The following COG5 variants were observed in gnomAD, a reference collection of about 807,000 sequenced individuals.
COG5 encodes component of oligomeric golgi complex 5.
COG5 carries 86 observed loss-of-function variants against 110.4 expected under a neutral mutation model. The observed-to-expected ratio is 0.78, with a 90% CI of 0.65 to 0.93. COG5 has a LOEUF of 0.93. Among genes scored for constraint, COG5 ranks in the 40% least tolerant of loss-of-function variants. COG5 has a pLI of 0.00. For missense variants in COG5, 1,077 were observed against 987.0 expected (o/e 1.09, Z -1.22); for synonymous variants, 360 against 334.6 (o/e 1.08, Z -0.83).
intron 17 of COG5, among the ~76,000 whole-genome samples, chr7:107,237,029 C>T (rs572217484): frequency 6.6e-6 from 1 of 152,320 alleles, no homozygotes; most frequent in African/African-American, 2.4e-5. Flanking sequence ...CTCAATTCTC[C>T]ATCCACTCAC....
intron 6 of COG5, among the ~76,000 whole-genome samples, chr7:107,417,307 AGTT>A (rs889124063): frequency 1.3e-5 from 2 of 152,214 alleles, no homozygotes; most frequent in African/African-American, 4.8e-5. Context: ...TTTACCCATG[AGTT>A]GTTTTGCTCT....
intron 5 of COG5, among the ~76,000 whole-genome samples, chr7:107,546,073 G>A (rs1034026625): frequency 3.3e-5 from 5 of 151,792 alleles, no homozygotes; most frequent in Non-Finnish European, 5.9e-5. Context: ...GATGGATTTC[G>A]AAAAATTCAC....
At chr7:107,261,150 G>C (rs914109851) in intron 14 of COG5, among the ~76,000 whole-genome samples, 1 of 151,948 alleles carries the variant, frequency 6.6e-6, no homozygotes, top group Non-Finnish European at 1.5e-5. Context: ...GGGTATTTTT[G>C]ATCTGCCTTT....
At chr7:107,391,424 C>A (rs757965294) in intron 7 of COG5, among the ~76,000 whole-genome samples, 2 of 152,152 alleles carry the variant, frequency 1.3e-5, no homozygotes, top group Non-Finnish European at 2.9e-5. Flanking sequence ...TCAGCCTGTT[C>A]TATTGGTTGC....
intron 7 of COG5, among the ~76,000 whole-genome samples, chr7:107,403,104 G>T (rs1791557610): frequency 6.6e-6 from 1 of 152,166 alleles, no homozygotes; most frequent in Non-Finnish European, 1.5e-5. Context: ...AAATAGTGAT[G>T]AAAGAGGTTA....
At chr7:107,533,540 T>C (rs751782667) in intron 5 of COG5, among the ~76,000 whole-genome samples, 2 of 151,436 alleles carry the variant, frequency 1.3e-5, no homozygotes, top group African/African-American at 4.9e-5. Context: ...AATAGCCGAA[T>C]AGATCAAGTG....
intron 6 of COG5, among the ~76,000 whole-genome samples, chr7:107,444,116 G>A (rs1794873425): frequency 6.6e-6 from 1 of 152,192 alleles, no homozygotes; most frequent in Middle Eastern, 3.4e-3. Flanking sequence ...TTATCTCTCT[G>A]TTGTTTCTTA....
At chr7:107,408,496 A>G (rs2129064652) in intron 7 of COG5, among the ~76,000 whole-genome samples, 1 of 152,366 alleles carries the variant, frequency 6.6e-6, no homozygotes, top group East Asian at 1.9e-4. Context: ...AGCTTGCTCA[A>G]TATACATTCT....
intron 19 of COG5, among the ~76,000 whole-genome samples, chr7:107,213,995 G>T (rs1031528279): frequency 6.6e-6 from 1 of 151,866 alleles, no homozygotes; most frequent in Non-Finnish European, 1.5e-5. Context: ...GAAACTACAA[G>T]AATATAAAAA....
chr7:107,522,409 G>C (rs199904453), intron 6 of COG5, among the ~76,000 whole-genome samples: 1 of 152,048 alleles, frequency 6.6e-6, no homozygotes, highest in African/African-American at 2.4e-5. Context: ...CGGAGGTTGC[G>C]GTGAGCGGAG....
At chr7:107,264,179 G>GT (rs1238416985) in intron 14 of COG5, among the ~76,000 whole-genome samples, 4 of 152,082 alleles carry the variant, frequency 2.6e-5, no homozygotes, top group Non-Finnish European at 4.4e-5. Flanking sequence ...TTGTGGCCCT[G>GT]TTATGGTCTC....
rs1386916863 is a variant in COG5, at chr7:107,202,003, T to G, written c.*1513A>C. 6.6e-6 allele frequency: 1 copy of G among 152,648 alleles called. No homozygotes were observed. The highest frequency in any genetic ancestry group is 2.1e-4 in the South Asian group (1 of 4,826). The allele number at this position is 152,648 out of a possible 1,614,324, so 9.5% of individuals were successfully genotyped here. The stretch of plus-strand genomic sequence containing the variant: ...GGTGGCTGGTGTTGGTGTCCCAGCC[T>G]AAGAGCCACCTGCTGCAGTTACCAT... On this transcript the variant is annotated 3_prime_UTR_variant, in exon 22 of 22. Transcript: ENST00000297135.
intron 6 of COG5, among the ~76,000 whole-genome samples, chr7:107,519,175 C>T (rs1584925704): frequency 6.6e-6 from 1 of 152,162 alleles, no homozygotes; most frequent in Middle Eastern, 3.4e-3. Flanking sequence ...ATTTATAGCA[C>T]TAAATGCCCA....
chr7:107,277,190 A>C (rs1463962649), intron 14 of COG5, among the ~76,000 whole-genome samples: 2 of 152,246 alleles, frequency 1.3e-5, no homozygotes, highest in Non-Finnish European at 2.9e-5. Context: ...TGAGCAATTC[A>C]CAAAACAATA....
chr7:107,511,959 G>A (rs1799550632), intron 6 of COG5, among the ~76,000 whole-genome samples: 2 of 152,130 alleles, frequency 1.3e-5, no homozygotes, highest in African/African-American at 4.8e-5. Flanking sequence ...GGCAAAAACT[G>A]GAAGCATTCC....
At chr7:107,283,473 G>C in intron 13 of COG5, 98 bp downstream of exon 13, 1 of 1,064,994 alleles carries the variant, frequency 9.4e-7, no homozygotes, top group Non-Finnish European at 1.4e-6. Context: ...CTAATTACTT[G>C]AATAATTTGA....
intron 19 of COG5, among the ~76,000 whole-genome samples, chr7:107,225,018 G>A (rs150921743): frequency 5.9e-5 from 9 of 152,376 alleles, no homozygotes; most frequent in South Asian, 4.1e-4. Flanking sequence ...GGGGAAGGGA[G>A]CACCTACTAA....
intron 11 of COG5, among the ~76,000 whole-genome samples, chr7:107,313,853 A>G (rs1409190053): frequency 6.6e-6 from 1 of 152,142 alleles, no homozygotes; most frequent in Non-Finnish European, 1.5e-5. Flanking sequence ...ACATAATCAC[A>G]GATTCTGGAG....
rs546659699 is a variant in COG5, at chr7:107,289,616, C to T, written c.1314-5884G>A. Among the ~76,000 whole-genome samples, 5 of 152,266 alleles carry T rather than the reference C, an allele frequency of 3.3e-5. No homozygotes were observed. The East Asian group carries it at 9.7e-4, about 29-fold the overall frequency. On this transcript the variant is annotated intron_variant, in intron 12 of 21. Coordinates refer to ENST00000297135, the MANE Select transcript of COG5 (RefSeq NM_006348.5). ...GGGGGCATTACCATCTTAACAAGGT[C>T]AAGTCTTGCAATTCATGAAGATGAG...
Sources: allele counts gnomAD v4.1 joint callset (sites outside exome capture counted in the v4.1 genomes callset), GRCh38; gene constraint gnomAD v4.1.1; transcripts MANE v1.5; gene names NCBI Gene and HGNC (gene_info 2026-07-23, HGNC 2026-07-21).